Variants in DCDC1 observed in about 807,000 individuals in gnomAD.
DCDC1 encodes the protein doublecortin domain-containing protein 1.
In DCDC1, 200 loss-of-function variants were observed where a neutral mutation model predicts 178.3. That is an observed-to-expected ratio of 1.12 (90% CI 1.00 to 1.26). DCDC1 has a LOEUF of 1.26. Among genes scored for constraint, DCDC1 ranks in the 50% most tolerant of loss-of-function variants. The pLI is 0.00. For synonymous variants in DCDC1, 690 were observed against 604.8 expected, an observed-to-expected ratio of 1.14 and a Z score of -2.07; for missense variants, 1,983 against 1,749.2, an observed-to-expected ratio of 1.13 and a Z score of -2.38.
intron 38 of DCDC1, among the ~76,000 whole-genome samples, chr11:30,869,880 C>G (rs986811756): frequency 2.0e-5 from 3 of 152,004 alleles, no homozygotes; most frequent in Non-Finnish European, 4.4e-5. Flanking sequence ...CACTTAAGCT[C>G]TTTAAGTGAG....
At chr11:31,134,792 CA>C (rs1419318078) in intron 10 of DCDC1, among the ~76,000 whole-genome samples, 1 of 152,152 alleles carries the variant, frequency 6.6e-6, no homozygotes, top group Non-Finnish European at 1.5e-5. Context: ...GCCAGGAGTT[CA>C]AGACCAGCCT....
intron 38 of DCDC1, among the ~76,000 whole-genome samples, chr11:30,872,601 A>G (rs1941687240): frequency 6.6e-6 from 1 of 152,132 alleles, no homozygotes. Flanking sequence ...TAGCTTGAGC[A>G]TGCCACGCTC....
At chr11:31,237,174 G>T (rs1976567593) in intron 9 of DCDC1, among the ~76,000 whole-genome samples, 1 of 151,848 alleles carries the variant, frequency 6.6e-6, no homozygotes, top group Admixed American at 6.6e-5. Flanking sequence ...CTTATTGAAA[G>T]TGTGGATAAA....
chr11:31,126,992 C>T (rs1961723594), intron 11 of DCDC1, among the ~76,000 whole-genome samples: 1 of 152,150 alleles, frequency 6.6e-6, no homozygotes, highest in Non-Finnish European at 1.5e-5. Context: ...CAAGTGAACT[C>T]CAACATGTGT....
chr11:30,989,968 G>A (rs1950881923), intron 20 of DCDC1, among the ~76,000 whole-genome samples: 1 of 152,104 alleles, frequency 6.6e-6, no homozygotes, highest in Non-Finnish European at 1.5e-5. Context: ...GCAGGTGTGT[G>A]TGCATACGTG....
chr11:31,126,569 G>A (rs1961649470), intron 11 of DCDC1, among the ~76,000 whole-genome samples: 1 of 152,104 alleles, frequency 6.6e-6, no homozygotes, highest in Admixed American at 6.5e-5. Flanking sequence ...TTAAGAAAGA[G>A]GAATTGCAGA....
intron 8 of DCDC1, among the ~76,000 whole-genome samples, chr11:31,261,803 C>A (rs1944804749): frequency 6.6e-6 from 1 of 152,098 alleles, no homozygotes; most frequent in Admixed American, 6.6e-5. Context: ...AGTAGGTGTA[C>A]TCCTTTCTAC....
intron 20 of DCDC1, among the ~76,000 whole-genome samples, chr11:30,988,813 T>TG (rs1219757977): frequency 6.6e-6 from 1 of 152,240 alleles, no homozygotes; most frequent in Non-Finnish European, 1.5e-5. Context: ...ATGTGGCCCA[T>TG]GGGCCATGGG....
chr11:31,288,647 C>T (rs543053237), intron 7 of DCDC1, among the ~76,000 whole-genome samples: 2 of 151,786 alleles, frequency 1.3e-5, no homozygotes, highest in Non-Finnish European at 2.9e-5. Flanking sequence ...CATTCTACTT[C>T]AGTTTTACAT....
intron 18 of DCDC1, among the ~76,000 whole-genome samples, chr11:31,068,921 G>A (rs771096723): frequency 2.0e-5 from 3 of 151,282 alleles, no homozygotes; most frequent in Non-Finnish European, 2.9e-5. Flanking sequence ...GTGCAATCTC[G>A]GCTCACTGCA....
At chr11:31,188,090 G>T (rs961240041) in intron 9 of DCDC1, among the ~76,000 whole-genome samples, 2 of 152,026 alleles carry the variant, frequency 1.3e-5, no homozygotes, top group Non-Finnish European at 1.5e-5. Context: ...TCAAATAGCT[G>T]GGACTATAAG....
intron 1 of DCDC1, among the ~76,000 whole-genome samples, chr11:31,348,015 T>C (rs544589395): frequency 6.6e-6 from 1 of 152,340 alleles, no homozygotes; most frequent in African/African-American, 2.4e-5. Context: ...ATAACCCATT[T>C]ATTTTGTCTT....
chr11:31,279,939 T>C (rs776973030), intron 7 of DCDC1, among the ~76,000 whole-genome samples: 1 of 152,046 alleles, frequency 6.6e-6, no homozygotes, highest in Non-Finnish European at 1.5e-5. Context: ...TATTCTGTAA[T>C]AGGAATTACA....
chr11:31,355,224 T>C (rs1951277575), intron 1 of DCDC1, among the ~76,000 whole-genome samples: 1 of 152,158 alleles, frequency 6.6e-6, no homozygotes, highest in African/African-American at 2.4e-5. Flanking sequence ...TAAAAATCAA[T>C]TGTGAGGAGT....
rs893716946 is a variant in DCDC1 at position 31,104,393 on chromosome 11, T to C, written c.1752-624A>G. On this transcript the variant is annotated intron_variant, in intron 13 of 38. Transcript: ENST00000684477. ...ACCTCTGCAGTCTTGTTGCCAAAAA[T>C]ATTTAAACTGAATCTAATCATGAGA... Among the ~76,000 whole-genome samples, 5 of 152,092 alleles carry C rather than the reference T, an allele frequency of 3.3e-5. No homozygotes were observed. The East Asian group carries it at 7.7e-4, about 23-fold the overall frequency.
chr11:31,323,268 T>A (rs1949465129), intron 3 of DCDC1, among the ~76,000 whole-genome samples: 1 of 152,214 alleles, frequency 6.6e-6, no homozygotes, highest in African/African-American at 2.4e-5. Context: ...CAGGTATAAG[T>A]TATCACACAA....
chr11:31,001,542 C>T (rs573104504), intron 20 of DCDC1, among the ~76,000 whole-genome samples: 36 of 152,122 alleles, frequency 2.4e-4, no homozygotes, highest in South Asian at 6.2e-4. Context: ...TCTCTGCCAC[C>T]GCAGCGAGGC....
At chr11:30,932,011 T>G (rs1590408705) in intron 21 of DCDC1, 59 bp from the exon 22 acceptor site, 2 of 1,455,804 alleles carry the variant, frequency 1.4e-6, no homozygotes, top group Non-Finnish European at 1.8e-6. Flanking sequence ...CATGTCTAGA[T>G]TTTTAAAAAT....
chr11:31,369,101 C>T (rs1952133391), intron 1 of DCDC1, among the ~76,000 whole-genome samples: 2 of 152,062 alleles, frequency 1.3e-5, no homozygotes, highest in South Asian at 2.1e-4. Flanking sequence ...TGTAGACTTG[C>T]TGAGTCCTTG....
Sources: gnomAD v4.1 joint callset for allele counts (sites outside exome capture counted in the v4.1 genomes callset) on GRCh38, gnomAD v4.1.1 for gene constraint, MANE v1.5 for transcripts, NCBI Gene and HGNC (gene_info 2026-07-23, HGNC 2026-07-21) for gene names.